Variants in BARD1 observed in about 807,000 individuals in gnomAD.
BARD1 encodes the protein BRCA1-associated RING domain protein 1.
In BARD1, 73 loss-of-function variants were observed where a neutral mutation model predicts 77.0. That is an observed-to-expected ratio of 0.95 (90% confidence interval 0.79 to 1.15). BARD1 has a LOEUF of 1.15. Among genes scored for constraint, BARD1 ranks in the 50% most tolerant of loss-of-function variants. The pLI is 0.00. For synonymous variants in BARD1, 384 were observed against 338.0 expected (o/e 1.14, Z -1.49); for missense variants, 993 against 938.8 (o/e 1.06, Z -0.75).
intron 2 of BARD1, among the ~76,000 whole-genome samples, chr2:214,792,889 G>T (rs901704638): frequency 6.6e-6 from 1 of 152,092 alleles, no homozygotes; most frequent in East Asian, 1.9e-4. Flanking sequence ...TTTGGGAAAA[G>T]ATCTTTGACT....
chr2:214,770,940 T>C (rs1010661774), intron 4 of BARD1, among the ~76,000 whole-genome samples: 7 of 152,212 alleles, frequency 4.6e-5, no homozygotes, highest in African/African-American at 1.4e-4. Flanking sequence ...ACATCTATCA[T>C]TTATATTTAA....
At chr2:214,788,577 A>T (rs759258886) in intron 3 of BARD1, among the ~76,000 whole-genome samples, 48 of 152,114 alleles carry the variant, frequency 3.2e-4, no homozygotes, top group African/African-American at 1.1e-3. Flanking sequence ...AACAAGGTTC[A>T]TTTGAAAGAT....
intron 1 of BARD1, among the ~76,000 whole-genome samples, chr2:214,803,424 C>G (rs1040733290): frequency 2.0e-5 from 3 of 152,200 alleles, no homozygotes; most frequent in East Asian, 3.9e-4. Flanking sequence ...GTATAAAACC[C>G]GATTGTAGGT....
rs1693032084 is a variant in BARD1, at chr2:214,745,049, C to G, written c.1903+18G>C. 1 of 1,603,998 alleles carries G rather than the reference C, an allele frequency of 6.2e-7. No individual in the cohort carries two copies. Among genetic ancestry groups the G allele is most frequent in the East Asian group, 2.2e-5 (1 of 44,760 alleles). On this transcript the variant is annotated intron_variant, in intron 9 of 10. Transcript: ENST00000260947. ...CTAGTCTAATTCATTTCTTAATTCTCTCAAATCCAACACTTACATTCAAAT... is the reference window on the plus strand; with the variant it reads ...CTAGTCTAATTCATTTCTTAATTCTGTCAAATCCAACACTTACATTCAAAT...
At chr2:214,752,803 C>T (rs953187697) in intron 6 of BARD1, among the ~76,000 whole-genome samples, 3 of 152,128 alleles carry the variant, frequency 2.0e-5, no homozygotes, top group Admixed American at 6.6e-5. Context: ...CTGTATTCTG[C>T]ATTCTTATTC....
Position 214,726,025 on chromosome 2 carries a change from A to C in BARD1, c.*2651T>G, listed in dbSNP as rs1017087962. Reference sequence around the variant, plus strand: ...CAGAGGTCACTTAACTATTAAATTTACAAGGCAGGTGCAAAAAAAAAAAAA... The same window carrying C: ...CAGAGGTCACTTAACTATTAAATTTCCAAGGCAGGTGCAAAAAAAAAAAAA... On this transcript the variant is annotated 3_prime_UTR_variant, in exon 11 of 11. Coordinates refer to ENST00000260947, the MANE Select transcript of BARD1 (RefSeq NM_000465.4). 1 of 217,588 alleles carries C rather than the reference A, an allele frequency of 4.6e-6. No homozygotes were observed. Among genetic ancestry groups the C allele is most frequent in the Non-Finnish European group, 9.1e-6 (1 of 109,852 alleles). The allele number at this position is 217,588 out of a possible 1,614,324, so 13.5% of individuals were successfully genotyped here. A position where few individuals can be genotyped will look rare whatever the true frequency, so the allele number is the denominator to read the frequency against.
At chr2:214,795,276 G>A (rs916940847) in intron 2 of BARD1, among the ~76,000 whole-genome samples, 3 of 152,144 alleles carry the variant, frequency 2.0e-5, no homozygotes, top group South Asian at 2.1e-4. Context: ...TACATTTCAC[G>A]TGGAAGAAAT....
intron 1 of BARD1, among the ~76,000 whole-genome samples, chr2:214,797,733 A>G (rs1401442327): frequency 6.6e-6 from 1 of 152,178 alleles, no homozygotes; most frequent in Non-Finnish European, 1.5e-5. Flanking sequence ...TCACAGATAT[A>G]TTGTGAAAAA....
intron 6 of BARD1, among the ~76,000 whole-genome samples, chr2:214,759,918 A>T (rs993746444): frequency 1.3e-5 from 2 of 152,178 alleles, no homozygotes; most frequent in Non-Finnish European, 2.9e-5. Context: ...TTGCCTTATA[A>T]GGTTTCAAGA....
rs144841117 is a variant in BARD1 at position 214,791,939 on chromosome 2, T to C, written c.364+358A>G. Among the ~76,000 whole-genome samples the C allele has an allele frequency of 3.6e-3, 545 of 152,214 alleles. 2 individuals are homozygous for C. Among genetic ancestry groups the C allele is most frequent in the Admixed American group, 7.3e-3 (111 of 15,276 alleles). On this transcript the variant is annotated intron_variant, in intron 3 of 10. Coordinates refer to ENST00000260947, the MANE Select transcript of BARD1 (RefSeq NM_000465.4). ...ACACATGCGGCTGTAGGCAAGGTTA[T>C]TTCACCTCTCTGGACCTTGATTTCT...
In BARD1 at chr2:214,729,028, T is replaced by C. The variant is rs768178334; in HGVS notation, c.2002-20A>G. Reference sequence around the variant, plus strand: ...TGGCAACTGAAATAATGAGAAAACATTTGTTAAAGGCAGATCAAAATACTG... The same window carrying C: ...TGGCAACTGAAATAATGAGAAAACACTTGTTAAAGGCAGATCAAAATACTG... On this transcript the variant is annotated intron_variant, in intron 10 of 10. Transcript: ENST00000260947. The C allele has an allele frequency of 6.2e-7, 1 of 1,610,748 alleles. No homozygotes were observed. Among genetic ancestry groups the C allele is most frequent in the South Asian group, 1.1e-5 (1 of 90,832 alleles).
At chr2:214,806,305 C>T (rs113594759) in intron 1 of BARD1, among the ~76,000 whole-genome samples, 2,080 of 152,264 alleles carry the variant, frequency 0.014, 28 homozygotes, top group Non-Finnish European at 0.021. Flanking sequence ...CACTAGCCCA[C>T]TGGGTAGAAC....
chr2:214,752,409 A>G, intron 7 of BARD1, 38 bp downstream of exon 7: 1 of 1,533,268 alleles, frequency 6.5e-7, no homozygotes, highest in Non-Finnish European at 9.0e-7. Flanking sequence ...CAATTTTAAT[A>G]AAATATATAA....
rs552371802 is a variant in BARD1, at chr2:214,759,819, T to C, written c.1569-7264A>G. 3.9e-5 allele frequency among the ~76,000 whole-genome samples: 6 copies of C among 152,308 alleles called. No individual in the cohort carries two copies. The South Asian group carries it at 1.0e-3, about 26-fold the overall frequency. On this transcript the variant is annotated intron_variant, in intron 6 of 10. Coordinates refer to ENST00000260947, the MANE Select transcript of BARD1 (RefSeq NM_000465.4). ...TGGTGAACTATAAAAGCTCATTTAA[T>C]TTAAAATTAAATAGTGAAGATGGCA...
At chr2:214,809,268 C>A (rs1157934474) in intron 1 of BARD1, 144 bp downstream of exon 1, 6 of 1,134,660 alleles carry the variant, frequency 5.3e-6, no homozygotes, top group Non-Finnish European at 7.5e-6. Context: ...AATACTATAT[C>A]CCCCGGCAGG....
chr2:214,757,559 T>C (rs1307745519), intron 6 of BARD1, among the ~76,000 whole-genome samples: 1 of 152,144 alleles, frequency 6.6e-6, no homozygotes, highest in African/African-American at 2.4e-5. Context: ...GATATATATA[T>C]TGCATATATC....
intron 7 of BARD1, 54 bp downstream of exon 7, chr2:214,752,393 C>T: frequency 6.8e-7 from 1 of 1,477,968 alleles, no homozygotes. Flanking sequence ...ATGTTCCTTT[C>T]ATAACCAATT....
At chr2:214,785,569 A>C (rs557518980) in intron 3 of BARD1, among the ~76,000 whole-genome samples, 1 of 152,122 alleles carries the variant, frequency 6.6e-6, no homozygotes, top group Admixed American at 6.6e-5. Flanking sequence ...CTAGAAGAAA[A>C]CTTGAAAATA....
intron 4 of BARD1, among the ~76,000 whole-genome samples, chr2:214,775,264 G>C (rs1218610281): frequency 6.6e-6 from 1 of 152,140 alleles, no homozygotes; most frequent in Non-Finnish European, 1.5e-5. Flanking sequence ...TAAAGTAAGA[G>C]ATGAGTGACT....
Sources: allele counts gnomAD v4.1 joint callset (sites outside exome capture counted in the v4.1 genomes callset), GRCh38; gene constraint gnomAD v4.1.1; transcripts MANE v1.5; gene names NCBI Gene and HGNC (gene_info 2026-07-23, HGNC 2026-07-21).